Variants in TMEM232 observed in about 807,000 individuals in gnomAD.
TMEM232 encodes transmembrane protein 232.
TMEM232 carries 80 observed loss-of-function variants against 78.8 expected under a neutral mutation model. The observed-to-expected ratio is 1.01, with a 90% CI of 0.85 to 1.22. TMEM232 has a LOEUF of 1.22. TMEM232 is among the 50% of genes most tolerant of loss of function. TMEM232 has a pLI of 0.00. For synonymous variants in TMEM232, 297 were observed against 254.3 expected, an observed-to-expected ratio of 1.17 and a Z score of -1.60; for missense variants, 881 against 742.2, an observed-to-expected ratio of 1.19 and a Z score of -2.17.
At chr5:110,695,384 T>C (rs1483297269) in intron 1 of TMEM232, among the ~76,000 whole-genome samples, 1 of 152,028 alleles carries the variant, frequency 6.6e-6, no homozygotes, top group Non-Finnish European at 1.5e-5. Flanking sequence ...AACATCACAA[T>C]TAAAAGAACT....
At chr5:110,390,869 C>G (rs1385606282) in intron 3 of TMEM232, among the ~76,000 whole-genome samples, 1 of 152,204 alleles carries the variant, frequency 6.6e-6, no homozygotes, top group Non-Finnish European at 1.5e-5. Flanking sequence ...GCTGACAGTG[C>G]TCACCTTTGG....
downstream of TMEM232, among the ~76,000 whole-genome samples, chr5:110,415,736 TA>T (rs1756179110): frequency 1.3e-5 from 2 of 152,126 alleles, no homozygotes; most frequent in African/African-American, 2.4e-5. Flanking sequence ...TCAGATTTTC[TA>T]TTTCTTCGTG....
intron 2 of TMEM232, among the ~76,000 whole-genome samples, chr5:110,413,304 G>T (rs939804449): frequency 1.3e-4 from 20 of 152,228 alleles, no homozygotes; most frequent in African/African-American, 3.1e-4. Context: ...TTGGACTCCT[G>T]GACTTACACC....
At chr5:110,586,100 T>C (rs1018408197) in intron 10 of TMEM232, among the ~76,000 whole-genome samples, 5 of 152,166 alleles carry the variant, frequency 3.3e-5, no homozygotes, top group African/African-American at 1.2e-4. Context: ...AATTGGTCCA[T>C]TTATGGCCAT....
chr5:110,571,919 C>A (rs1449959584), intron 10 of TMEM232, among the ~76,000 whole-genome samples: 1 of 151,960 alleles, frequency 6.6e-6, no homozygotes, highest in Admixed American at 6.6e-5. Flanking sequence ...AATGCAATGT[C>A]ATGTTTATTC....
chr5:110,488,440 A>G (rs945587037), intron 12 of TMEM232, among the ~76,000 whole-genome samples: 2 of 152,102 alleles, frequency 1.3e-5, no homozygotes, highest in Non-Finnish European at 2.9e-5. Context: ...TTTAGAATTC[A>G]TACGTATGGA....
At chr5:110,494,901 G>A (rs377236938) in intron 12 of TMEM232, among the ~76,000 whole-genome samples, 1 of 151,620 alleles carries the variant, frequency 6.6e-6, no homozygotes, top group East Asian at 1.9e-4. Context: ...AGCTAGACTA[G>A]ATAATAAGCT....
At chr5:110,483,760 G>A (rs1764167891) in intron 12 of TMEM232, among the ~76,000 whole-genome samples, 1 of 150,754 alleles carries the variant, frequency 6.6e-6, no homozygotes, top group Non-Finnish European at 1.5e-5. Flanking sequence ...AAAAAAAAAA[G>A]AATGTAAAAC....
At chr5:110,696,721 A>T (rs1794828667) in intron 1 of TMEM232, among the ~76,000 whole-genome samples, 1 of 152,156 alleles carries the variant, frequency 6.6e-6, no homozygotes, top group African/African-American at 2.4e-5. Context: ...AGAATAAAAT[A>T]CCTAGGAATC....
At chr5:110,554,669 C>CTACGGAATGAGG (rs1554107040) in intron 11 of TMEM232, among the ~76,000 whole-genome samples, 1 of 151,926 alleles carries the variant, frequency 6.6e-6, no homozygotes, top group African/African-American at 2.4e-5. Context: ...TGGCCTCATT[C>CTACGGAATGAGG]TATGGAATGA....
At chr5:110,652,808 G>A (rs750689271) in intron 2 of TMEM232, among the ~76,000 whole-genome samples, 4 of 152,134 alleles carry the variant, frequency 2.6e-5, no homozygotes, top group Non-Finnish European at 5.9e-5. Flanking sequence ...TAGGCTTCAC[G>A]CATTCCAATT....
chr5:110,427,567 C>CA (rs59651140), intron 12 of TMEM232, among the ~76,000 whole-genome samples: 6,106 of 151,982 alleles, frequency 0.04, 438 homozygotes, highest in African/African-American at 0.14. Flanking sequence ...CAAATTACCA[C>CA]AAACTAGGAG....
chr5:110,665,938 A>T (rs1310891351), intron 2 of TMEM232, among the ~76,000 whole-genome samples: 1 of 151,656 alleles, frequency 6.6e-6, no homozygotes, highest in East Asian at 1.9e-4. Flanking sequence ...GCATACTGGC[A>T]TGTGCCCGTG....
intron 12 of TMEM232, among the ~76,000 whole-genome samples, chr5:110,463,799 C>A (rs1283834823): frequency 6.6e-6 from 1 of 152,176 alleles, no homozygotes; most frequent in African/African-American, 2.4e-5. Flanking sequence ...CTACTCCACA[C>A]CCTCCATTGC....
chr5:110,513,443 CA>C (rs1240667887), intron 12 of TMEM232, among the ~76,000 whole-genome samples: 2 of 151,880 alleles, frequency 1.3e-5, no homozygotes, highest in African/African-American at 2.4e-5. Flanking sequence ...AACTTAATAT[CA>C]AATAAAACCA....
chr5:110,669,933 C>T lies in TMEM232; in HGVS notation c.-12-2569G>A, dbSNP rs552234246. Reference sequence around the variant, plus strand: ...AAGGCCTTTGACAAAATTCAACAACCCTTCATGCTAAAAACTCTCAATAAA... The same window carrying T: ...AAGGCCTTTGACAAAATTCAACAACTCTTCATGCTAAAAACTCTCAATAAA... On this transcript the variant is annotated intron_variant, in intron 1 of 13. Transcript: ENST00000455884. 6.8e-3 allele frequency among the ~76,000 whole-genome samples: 1,037 copies of T among 151,762 alleles called. 10 individuals are homozygous for T. Among genetic ancestry groups the T allele is most frequent in the African/African-American group, 0.024 (984 of 41,400 alleles).
chr5:110,526,088 C>CATAAAAAA (rs1770558744), intron 12 of TMEM232, among the ~76,000 whole-genome samples: 7 of 142,572 alleles, frequency 4.9e-5, no homozygotes, highest in African/African-American at 1.8e-4. Flanking sequence ...CATAACAAAT[C>CATAAAAAA]CTTAAAAATA....
At chr5:110,584,846 T>C (rs556511577) in intron 10 of TMEM232, among the ~76,000 whole-genome samples, 64 of 152,200 alleles carry the variant, frequency 4.2e-4, no homozygotes, top group Middle Eastern at 6.8e-3. Context: ...ATCACCATAA[T>C]TAATTAAGAT....
intron 10 of TMEM232, 100 bp downstream of exon 10, chr5:110,605,009 G>C (rs1561370422): frequency 7.8e-7 from 1 of 1,276,952 alleles, no homozygotes; most frequent in Non-Finnish European, 1.1e-6. Context: ...AAAATTAGTT[G>C]CTATTTCTAA....
Sources: allele counts gnomAD v4.1 joint callset (sites outside exome capture counted in the v4.1 genomes callset), GRCh38; gene constraint gnomAD v4.1.1; transcripts MANE v1.5; gene names NCBI Gene and HGNC (gene_info 2026-07-23, HGNC 2026-07-21).